Variants in MAP1LC3C observed in about 807,000 individuals in gnomAD.
MAP1LC3C encodes the protein microtubule-associated protein 1 light chain 3 gamma.
A neutral mutation model predicts 10.4 loss-of-function variants in MAP1LC3C; 12 were observed. That is an observed-to-expected ratio of 1.15 (90% CI 0.74 to 1.86). The LOEUF (loss-of-function observed/expected upper bound fraction) is 1.86. Ranked by LOEUF, MAP1LC3C falls within the 40% of genes most tolerant of loss-of-function variation. MAP1LC3C has a pLI of 0.00. For synonymous variants in MAP1LC3C, 70 were observed against 69.0 expected, an observed-to-expected ratio of 1.01 and a Z score of -0.07; for missense variants, 177 against 185.7, an observed-to-expected ratio of 0.95 and a Z score of 0.27.
At position 241,995,956 on chromosome 1, in the gene MAP1LC3C, C is replaced by T. The variant is rs1665075281; in HGVS notation, c.*207G>A. On this transcript the variant is annotated 3_prime_UTR_variant, in exon 4 of 4. Transcript: ENST00000357246. ...ATGATAATTATATAACTTTCAAGAG[C>T]AGCCCACATTTTTCTTAGAAGGACA... The T allele has an allele frequency of 2.3e-5, 11 of 477,556 alleles. No individual in the cohort carries two copies. The South Asian group carries it at 5.3e-4, about 23-fold the overall frequency. 29.6% of individuals were successfully genotyped at this position (477,556 alleles called of 1,614,324 possible).
chr1:241,996,363 T>C lies in MAP1LC3C; in HGVS notation c.244A>G (p.Thr82Ala). 2.5e-6 allele frequency: 4 copies of C among 1,614,122 alleles called. No homozygotes were observed. The highest frequency in any genetic ancestry group is 3.4e-6 in the Non-Finnish European group (4 of 1,180,022). ...IIRSRMVLRA[T>A]EAFYLLVNNK... is the part of the protein sequence containing the mutation. ...TTCACCAGCAAGTAAAAGGCTTCCG[T>C]GGCTCTCAGGACCATGCGGCTCCTG... Residue 82 changes from threonine (T) to alanine (A), a missense_variant, in exon 4 of 4, where the codon ACG becomes GCG. Thr to Ala is a moderately conservative substitution (Grantham distance 58). Coordinates refer to ENST00000357246, the MANE Select transcript of MAP1LC3C (RefSeq NM_001004343.3).
At chr1:241,997,072 T>C (rs568006899) in intron 3 of MAP1LC3C, among the ~76,000 whole-genome samples, 2 of 151,978 alleles carry the variant, frequency 1.3e-5, no homozygotes, top group East Asian at 3.9e-4. Flanking sequence ...GTAATTTTTG[T>C]ATTTTTAGTA....
chr1:241,999,666 G>A (rs573391578), upstream of MAP1LC3C, among the ~76,000 whole-genome samples: 4 of 152,156 alleles, frequency 2.6e-5, no homozygotes, highest in South Asian at 2.1e-4. Flanking sequence ...AAAATTAGCC[G>A]GACGTGGTGG....
Position 241,996,331 on chromosome 1 carries a change from CTTG to C in MAP1LC3C, c.273_275del (p.Asn91del), listed in dbSNP as rs775771793. 6.2e-6 allele frequency: 10 copies of C among 1,614,144 alleles called. No homozygotes were observed. Among genetic ancestry groups the C allele is most frequent in the East Asian group, 2.2e-5 (1 of 44,876 alleles). ...TGGTTGCGCTCATGCTGACCAGGCTCTTGTTGTTCACCAGCAAGTAAAAGGCTT... is the reference window on the plus strand; with the variant it reads ...TGGTTGCGCTCATGCTGACCAGGCTCTTGTTCACCAGCAAGTAAAAGGCTT... On this transcript the variant is annotated inframe_deletion, in exon 4 of 4. Coordinates refer to ENST00000357246, the MANE Select transcript of MAP1LC3C (RefSeq NM_001004343.3).
upstream of MAP1LC3C, among the ~76,000 whole-genome samples, chr1:242,000,723 C>T (rs1488373112): frequency 6.6e-6 from 1 of 152,112 alleles, no homozygotes; most frequent in Non-Finnish European, 1.5e-5. Context: ...GGCATACCAC[C>T]CTCCAGGAAC....
intron 3 of MAP1LC3C, among the ~76,000 whole-genome samples, chr1:241,996,758 TA>T (rs1206389938): frequency 6.6e-6 from 1 of 151,354 alleles, no homozygotes; most frequent in Non-Finnish European, 1.5e-5. Context: ...TGGTCTGTAC[TA>T]AAAATACAAA....
In MAP1LC3C at chr1:241,999,050, C is replaced by A; in HGVS notation, c.-42G>T. 2 of 1,566,178 alleles carry A rather than the reference C, an allele frequency of 1.3e-6. No individual in the cohort carries two copies. The highest frequency in any genetic ancestry group is 1.2e-5 in the South Asian group (1 of 82,380). Reference sequence around the variant, plus strand: ...GTCTGTTTTAAAAAAGAAAAAAAAACTGTCCCGCAACCGGGAACCTAACTC... The same window carrying A: ...GTCTGTTTTAAAAAAGAAAAAAAAAATGTCCCGCAACCGGGAACCTAACTC... On this transcript the variant is annotated 5_prime_UTR_variant, in exon 1 of 4. Coordinates refer to ENST00000357246, the MANE Select transcript of MAP1LC3C (RefSeq NM_001004343.3).
chr1:242,000,369 C>A (rs530951498), upstream of MAP1LC3C, among the ~76,000 whole-genome samples: 1 of 152,294 alleles, frequency 6.6e-6, no homozygotes, highest in East Asian at 1.9e-4. Context: ...GCTGGGATTA[C>A]AGGCACATGA....
chr1:242,001,277 A>T (rs1461888092), upstream of MAP1LC3C, among the ~76,000 whole-genome samples: 4 of 151,766 alleles, frequency 2.6e-5, no homozygotes, highest in Non-Finnish European at 5.9e-5. Context: ...ACTCCACCTC[A>T]GAAAAAAATA....
At chr1:241,998,482 C>T in intron 3 of MAP1LC3C, 32 bp downstream of exon 3, 2 of 1,602,178 alleles carry the variant, frequency 1.2e-6, no homozygotes, top group South Asian at 1.1e-5. Flanking sequence ...ACCCAGCGCA[C>T]CTTCCTCCGG....
rs1384911588 is a variant in MAP1LC3C, at chr1:241,998,801, C to T, written c.89G>A (p.Arg30Gln). 10 of 1,613,992 alleles carry T rather than the reference C, an allele frequency of 6.2e-6. No homozygotes were observed. In the Admixed American group the frequency reaches 8.3e-5, roughly 13 times the overall value. The change falls in exon 2 of 4, where the codon CGG (arginine) becomes CAG (glutamine). Residue 30 changes from arginine (R) to glutamine (Q), a missense_variant. Coordinates refer to ENST00000357246, the MANE Select transcript of MAP1LC3C (RefSeq NM_001004343.3). ...CGGGATTTTGTTGGGGAACTTTGCC[C>T]GGATTCCAGCAACTTCCTCTTGTCT... ...AIRQEEVAGI[R>Q]AKFPNKIPVV...
At chr1:242,000,985 G>A (rs1199734852), upstream of MAP1LC3C, among the ~76,000 whole-genome samples, 3 of 152,110 alleles carry the variant, frequency 2.0e-5, no homozygotes, top group Non-Finnish European at 4.4e-5. Flanking sequence ...ACTAAAAAAA[G>A]ACACTTATTG....
intron 3 of MAP1LC3C, among the ~76,000 whole-genome samples, chr1:241,998,141 G>C (rs556358603): frequency 1.4e-5 from 2 of 146,638 alleles, no homozygotes; most frequent in Non-Finnish European, 3.0e-5. Flanking sequence ...TCCTGCCTCA[G>C]CCTCCCAAGT....
upstream of MAP1LC3C, among the ~76,000 whole-genome samples, chr1:241,999,829 C>CA (rs1193321951): frequency 3.3e-5 from 5 of 151,464 alleles, no homozygotes; most frequent in African/African-American, 4.9e-5. Context: ...CAAAACAAAA[C>CA]AAAAAAAACC....
In MAP1LC3C at chr1:241,996,052, C is replaced by A. The variant is rs1049737898; in HGVS notation, c.*111G>T. On this transcript the variant is annotated 3_prime_UTR_variant, in exon 4 of 4. Transcript: ENST00000357246. The stretch of plus-strand genomic sequence containing the variant: ...TGCTGCCACTGGTTGGAGCTGATCA[C>A]CCCAGGCATCCCTGCTTCTCAGACT... The A allele has an allele frequency of 1.0e-6, 1 of 956,490 alleles. No homozygotes were observed. Among genetic ancestry groups the A allele is most frequent in the Non-Finnish European group, 1.5e-6 (1 of 655,200 alleles). 59.3% of individuals were successfully genotyped at this position (956,490 alleles called of 1,614,324 possible). A position where few individuals can be genotyped will look rare whatever the true frequency, so the allele number is the denominator to read the frequency against.
chr1:241,998,371 TA>T, intron 3 of MAP1LC3C, 142 bp downstream of exon 3: 1 of 668,298 alleles, frequency 1.5e-6, no homozygotes. Context: ...CTAGTGAATC[TA>T]AAAGGTGACT....
chr1:241,998,699 G>T lies in MAP1LC3C; in HGVS notation c.114+77C>A, dbSNP rs1264934476. 1.9e-6 allele frequency: 3 copies of T among 1,608,676 alleles called. No homozygotes were observed. The African/African-American group carries it at 4.0e-5, about 22-fold the overall frequency. Reference sequence around the variant, plus strand: ...TGGAACAGACAGAGGGAAGCTGTTGGCTGCTCTTGGTTTTTCAGAGAACAG... The same window carrying T: ...TGGAACAGACAGAGGGAAGCTGTTGTCTGCTCTTGGTTTTTCAGAGAACAG... On this transcript the variant is annotated intron_variant, in intron 2 of 3. Transcript: ENST00000357246.
chr1:241,999,067 A>G lies in MAP1LC3C; in HGVS notation c.-59T>C, dbSNP rs1319403657. On this transcript the variant is annotated 5_prime_UTR_variant, in exon 1 of 4. Transcript: ENST00000357246. ...AAAAAAAACTGTCCCGCAACCGGGA[A>G]CCTAACTCATTCCTCCAGCTGCTTC... 6.5e-7 allele frequency: 1 copy of G among 1,549,790 alleles called. No homozygotes were observed. Among genetic ancestry groups the G allele is most frequent in the East Asian group, 2.2e-5 (1 of 44,688 alleles).
chr1:241,998,905 C>T (rs774393727), intron 1 of MAP1LC3C, 46 bp downstream of exon 1: 16 of 1,612,892 alleles, frequency 9.9e-6, no homozygotes, highest in South Asian at 3.3e-5. Context: ...AGGCCAGATC[C>T]GCTCCTCTCT....
Sources: gnomAD v4.1 joint callset for allele counts (sites outside exome capture counted in the v4.1 genomes callset) on GRCh38, gnomAD v4.1.1 for gene constraint, MANE v1.5 for transcripts, NCBI Gene and HGNC (gene_info 2026-07-23, HGNC 2026-07-21) for gene names.